Variants in TK1 observed in about 807,000 individuals in gnomAD.
The protein encoded by TK1 is thymidine kinase 1.
Under a neutral mutation model 22.4 loss-of-function variants are expected in TK1, and 13 were observed. That is an observed-to-expected ratio of 0.58 (90% CI 0.38 to 0.92). The LOEUF is 0.92. TK1 is among the 40% of genes least tolerant of loss of function. TK1 has a pLI of 0.00. For synonymous variants in TK1, 134 were observed against 125.4 expected (o/e 1.07, Z -0.46); for missense variants, 251 against 315.7 (o/e 0.80, Z 1.55).
In TK1 at chr17:78,175,575, C is replaced by G. The variant is rs1300250045; in HGVS notation, c.347G>C (p.Gly116Ala). The change falls in exon 5 of 7, where the codon GGG becomes GCG. Residue 116 changes from glycine (G) to alanine (A), a missense_variant. Transcript: ENST00000301634. ...CAGTGCAGCCACAATTACGGTCTTC[C>G]CGGCGTTGGCCATGGCCTCGCAGAA... ...VEFCEAMANA[G>A]KTVIVAALDG... is the part of the protein sequence containing the mutation. The G allele has an allele frequency of 6.2e-7, 1 of 1,613,682 alleles. No homozygotes were observed. Among genetic ancestry groups the G allele is most frequent in the Non-Finnish European group, 8.5e-7 (1 of 1,179,856 alleles).
chr17:78,178,638 C>CTTTTG (rs923908797), intron 4 of TK1, among the ~76,000 whole-genome samples: 2 of 152,178 alleles, frequency 1.3e-5, no homozygotes, highest in East Asian at 1.9e-4. Flanking sequence ...CCCTGAACTT[C>CTTTTG]TTTTGTTTTG....
At chr17:78,175,219 G>GTTTTTTTTTTTTTTT (rs766791423) in intron 5 of TK1, 50 bp from the exon 6 acceptor site, 3 of 1,574,988 alleles carry the variant, frequency 1.9e-6, no homozygotes, top group Admixed American at 2.1e-5. Context: ...TACCAGGTGG[G>GTTTTTTTTTTTTTTT]TTTTTCTTTT....
intron 2 of TK1, among the ~76,000 whole-genome samples, chr17:78,185,715 A>T (rs2075781697): frequency 6.6e-6 from 1 of 151,758 alleles, no homozygotes; most frequent in Admixed American, 6.6e-5. Flanking sequence ...TTTTCAGTAG[A>T]GATGGGGTTT....
intron 4 of TK1, chr17:78,179,323 G>T (rs1193162943): frequency 1.0e-6 from 1 of 985,406 alleles, no homozygotes; most frequent in Non-Finnish European, 1.2e-6. Context: ...TCCCAGCCTG[G>T]GCTCACTTTC....
rs1292310172 is a variant in TK1, at chr17:78,187,042, C to T, written c.-48G>A. 3 of 1,567,716 alleles carry T rather than the reference C, an allele frequency of 1.9e-6. No homozygotes were observed. Among genetic ancestry groups the T allele is most frequent in the East Asian group, 2.3e-5 (1 of 42,784 alleles). On this transcript the variant is annotated 5_prime_UTR_variant, in exon 1 of 7. Transcript: ENST00000301634. ...ACCCGAGTACTCTCCAAGGCCGTCCCGCAGTAAGCCCCTGGTTCCCGCGCC... is the reference window on the plus strand; with the variant it reads ...ACCCGAGTACTCTCCAAGGCCGTCCTGCAGTAAGCCCCTGGTTCCCGCGCC...
intron 3 of TK1, chr17:78,183,638 G>T (rs972590483): frequency 6.6e-6 from 1 of 152,236 alleles, no homozygotes; most frequent in African/African-American, 2.4e-5. Context: ...TCACGTAACA[G>T]TAAGCTATGA....
intron 3 of TK1, 55 bp from the exon 4 acceptor site, chr17:78,182,737 G>A: frequency 7.3e-7 from 1 of 1,370,842 alleles, no homozygotes; most frequent in Middle Eastern, 1.9e-4. Context: ...AAGCCACAAT[G>A]CAGGGGCCAG....
Position 78,187,010 on chromosome 17 carries a change from T to C in TK1, c.-16A>G. ...TGCAGCTCATTGCGCCTCCGGGAAG[T>C]TCACGAACCCGAGTACTCTCCAAGG... On this transcript the variant is annotated 5_prime_UTR_variant, in exon 1 of 7. Transcript: ENST00000301634. 2 of 1,588,384 alleles carry C rather than the reference T, an allele frequency of 1.3e-6. No homozygotes were observed. Among genetic ancestry groups the C allele is most frequent in the Non-Finnish European group, 8.6e-7 (1 of 1,168,022 alleles).
intron 4 of TK1, among the ~76,000 whole-genome samples, chr17:78,182,241 G>A (rs2075742733): frequency 6.6e-6 from 1 of 151,960 alleles, no homozygotes; most frequent in African/African-American, 2.4e-5. Flanking sequence ...GGGCGTGGTG[G>A]CGCATGCCTG....
chr17:78,179,527 C>A, intron 4 of TK1: 2 of 985,434 alleles, frequency 2.0e-6, no homozygotes, highest in Non-Finnish European at 2.4e-6. Flanking sequence ...AGGGCAGATG[C>A]CCCGCACAGG....
chr17:78,178,528 A>G (rs2075716776), intron 4 of TK1, among the ~76,000 whole-genome samples: 1 of 152,146 alleles, frequency 6.6e-6, no homozygotes, highest in African/African-American at 2.4e-5. Context: ...GGCTTCATCC[A>G]CTGTCCACGT....
intron 3 of TK1, among the ~76,000 whole-genome samples, 199 bp from the exon 4 acceptor site, chr17:78,182,881 C>T (rs773535737): frequency 6.6e-6 from 1 of 152,186 alleles, no homozygotes; most frequent in Non-Finnish European, 1.5e-5. Flanking sequence ...TTTTATGAAA[C>T]AGAGTCTTGC....
chr17:78,185,229 C>T, intron 2 of TK1, 64 bp from the exon 3 acceptor site: 3 of 1,282,588 alleles, frequency 2.3e-6, no homozygotes, highest in Non-Finnish European at 3.4e-6. Flanking sequence ...GAGACCCCTC[C>T]CCAACAAGCC....
intron 4 of TK1, chr17:78,179,462 G>A: frequency 1.0e-6 from 1 of 985,472 alleles, no homozygotes; most frequent in Non-Finnish European, 1.2e-6. Context: ...GGGAGGAGAT[G>A]CCAGCTGCCG....
chr17:78,182,923 A>C (rs1222568684), intron 3 of TK1, among the ~76,000 whole-genome samples: 1 of 152,178 alleles, frequency 6.6e-6, no homozygotes, highest in Non-Finnish European at 1.5e-5. Context: ...CAGTGGCGCC[A>C]TCTCGGCTCC....
At chr17:78,184,917 C>T (rs2075769844) in intron 3 of TK1, 138 bp downstream of exon 3, 2 of 702,970 alleles carry the variant, frequency 2.8e-6, no homozygotes, top group Non-Finnish European at 4.8e-6. Flanking sequence ...GCTACCTTGC[C>T]AAGCACCTTG....
chr17:78,175,638 A>C lies in TK1; in HGVS notation c.304-20T>G. On this transcript the variant is annotated intron_variant, in intron 4 of 6. Coordinates refer to ENST00000301634, the MANE Select transcript of TK1 (RefSeq NM_003258.5). ...AGGGAACTGGAAAGGGCACGTGGAG[A>C]AAGAGTGTGAGAGCTTCCACCCCAG... 6.2e-7 allele frequency: 1 copy of C among 1,608,954 alleles called. No individual in the cohort carries two copies. Among genetic ancestry groups the C allele is most frequent in the Non-Finnish European group, 8.5e-7 (1 of 1,177,446 alleles).
chr17:78,178,807 G>A (rs2075719212), intron 4 of TK1, among the ~76,000 whole-genome samples: 1 of 152,132 alleles, frequency 6.6e-6, no homozygotes, highest in Non-Finnish European at 1.5e-5. Flanking sequence ...ACCACGCCTG[G>A]CTAATTTTTG....
intron 4 of TK1, among the ~76,000 whole-genome samples, 191 bp from the exon 5 acceptor site, chr17:78,175,809 C>T (rs1483678786): frequency 6.6e-6 from 1 of 152,176 alleles, no homozygotes; most frequent in Non-Finnish European, 1.5e-5. Context: ...ACGACAGGTA[C>T]ATCCACAACT....
Sources: gnomAD v4.1 joint callset for allele counts (sites outside exome capture counted in the v4.1 genomes callset) on GRCh38, gnomAD v4.1.1 for gene constraint, MANE v1.5 for transcripts, NCBI Gene and HGNC (gene_info 2026-07-23, HGNC 2026-07-21) for gene names.